The following CTNNA2 variants were observed in gnomAD, a reference collection of about 807,000 sequenced individuals.
CTNNA2 encodes catenin alpha 2, also known as catenin alpha-2.
CTNNA2 carries 42 observed loss-of-function variants against 101.0 expected under a neutral mutation model. The observed-to-expected ratio is 0.42, with a 90% CI of 0.32 to 0.54. The LOEUF (loss-of-function observed/expected upper bound fraction) is 0.54, where lower values mean the gene tolerates loss of function less well. Ranked by LOEUF, CTNNA2 falls within the 20% of genes least tolerant of loss-of-function variation. The pLI is 0.14. For missense variants in CTNNA2, 871 were observed against 1,223.1 expected (o/e 0.71, Z 4.29); for synonymous variants, 450 against 456.4 (o/e 0.99, Z 0.18).
At chr2:79,218,517 T>C (rs2104216168) in intron 2 of CTNNA2, among the ~76,000 whole-genome samples, 1 of 152,158 alleles carries the variant, frequency 6.6e-6, no homozygotes, top group South Asian at 2.1e-4. Context: ...GAAAAAAGAA[T>C]GTTTGTGAGT....
At chr2:80,409,861 T>C (rs1679409656) in intron 8 of CTNNA2, among the ~76,000 whole-genome samples, 1 of 151,844 alleles carries the variant, frequency 6.6e-6, no homozygotes, top group Non-Finnish European at 1.5e-5. Flanking sequence ...CCATTATTTC[T>C]CTTGAGATTA....
At chr2:79,829,421 A>ACACACACACACACAC (rs1558559860) in intron 3 of CTNNA2, among the ~76,000 whole-genome samples, 8 of 142,476 alleles carry the variant, frequency 5.6e-5, no homozygotes, top group Admixed American at 1.4e-4. Flanking sequence ...ACACAGACAC[A>ACACACACACACACAC]AAGCCGGGCG....
intron 4 of CTNNA2, among the ~76,000 whole-genome samples, chr2:79,488,332 A>AG (rs1346367393): frequency 1.5e-5 from 1 of 67,796 alleles, no homozygotes; most frequent in Admixed American, 1.2e-4. Flanking sequence ...AAAAAAAAAA[A>AG]AAAAAAAAAA....
At chr2:79,501,939 A>C (rs1047524810) in intron 4 of CTNNA2, among the ~76,000 whole-genome samples, 8 of 150,488 alleles carry the variant, frequency 5.3e-5, no homozygotes, top group African/African-American at 1.7e-4. Context: ...TAGCAGAAAT[A>C]GTCTCCCATA....
intron 3 of CTNNA2, among the ~76,000 whole-genome samples, chr2:79,749,283 G>C (rs1458421412): frequency 6.6e-6 from 1 of 152,092 alleles, no homozygotes; most frequent in Non-Finnish European, 1.5e-5. Context: ...GTCATTCTCG[G>C]AGTATGCGTA....
chr2:80,047,629 C>T (rs962519399), intron 7 of CTNNA2, among the ~76,000 whole-genome samples: 2 of 152,088 alleles, frequency 1.3e-5, no homozygotes, highest in Admixed American at 6.5e-5. Context: ...TTCATGAATG[C>T]AGAAAAATTG....
chr2:79,581,749 G>A lies in CTNNA2; in HGVS notation c.-6+68542G>A, dbSNP rs190797210. On this transcript the variant is annotated intron_variant, in intron 1 of 18. Transcript: ENST00000402739. ...ACAAAACTGAAAAGGAACGAGTGGC[G>A]TAATCACATTTATTATTATGACTAA... is the stretch of plus-strand genomic sequence containing the variant. Among the ~76,000 whole-genome samples the A allele has an allele frequency of 1.4e-4, 22 of 152,202 alleles. No homozygotes were observed. In the South Asian group the frequency reaches 3.9e-3, roughly 27 times the overall value.
intron 9 of CTNNA2, among the ~76,000 whole-genome samples, chr2:80,528,311 C>T (rs1239793734): frequency 5.9e-5 from 9 of 152,174 alleles, no homozygotes; most frequent in Admixed American, 4.6e-4. Context: ...ATTCTCCTGC[C>T]TCAGCCTCCT....
At chr2:80,542,428 C>A (rs140422907) in intron 9 of CTNNA2, among the ~76,000 whole-genome samples, 18 of 151,948 alleles carry the variant, frequency 1.2e-4, no homozygotes, top group South Asian at 6.2e-4. Flanking sequence ...AAATGGCTGA[C>A]CTTTTCTTTT....
intron 4 of CTNNA2, among the ~76,000 whole-genome samples, chr2:79,455,544 T>A (rs372742980): frequency 2.6e-5 from 4 of 152,120 alleles, no homozygotes; most frequent in East Asian, 1.9e-4. Flanking sequence ...CCCTCTCCAG[T>A]TTGTGGGTAC....
chr2:79,400,144 C>T, intron 4 of CTNNA2, among the ~76,000 whole-genome samples: 1 of 152,004 alleles, frequency 6.6e-6, no homozygotes, highest in East Asian at 1.9e-4. Flanking sequence ...AGATAAGAGA[C>T]AAATGGTTGC....
intron 9 of CTNNA2, among the ~76,000 whole-genome samples, chr2:80,531,414 G>C (rs779844118): frequency 1.3e-5 from 2 of 152,186 alleles, no homozygotes; most frequent in African/African-American, 2.4e-5. Flanking sequence ...ATCCAAGAAG[G>C]ATACGGCCAC....
intron 4 of CTNNA2, among the ~76,000 whole-genome samples, chr2:79,423,418 A>G (rs1274897319): frequency 1.3e-5 from 2 of 152,202 alleles, no homozygotes; most frequent in East Asian, 3.9e-4. Context: ...TCCTGATTTA[A>G]AAAAGTGAGA....
intron 7 of CTNNA2, among the ~76,000 whole-genome samples, chr2:79,967,783 G>A (rs1377042620): frequency 1.3e-5 from 2 of 152,142 alleles, no homozygotes; most frequent in Non-Finnish European, 2.9e-5. Flanking sequence ...ATTCATCACA[G>A]TGTTGTTCAC....
intron 7 of CTNNA2, among the ~76,000 whole-genome samples, chr2:80,152,427 C>T (rs1318400497): frequency 6.6e-6 from 1 of 151,830 alleles, no homozygotes; most frequent in Non-Finnish European, 1.5e-5. Context: ...TTTTTCAGAG[C>T]AGGGGTTGGT....
intron 1 of CTNNA2, among the ~76,000 whole-genome samples, chr2:79,186,892 T>TAC (rs1444664850): frequency 2.0e-5 from 3 of 152,218 alleles, no homozygotes; most frequent in Non-Finnish European, 2.9e-5. Context: ...AAAAGGAAGC[T>TAC]ACTTTATGGG....
rs145993590 is a variant in CTNNA2, at chr2:79,970,924, A to G, written c.1056+61127A>G. Among the ~76,000 whole-genome samples the G allele has an allele frequency of 3.4e-3, 521 of 152,270 alleles. 4 individuals carry two copies. Among genetic ancestry groups the G allele is most frequent in the African/African-American group, 0.01 (431 of 41,550 alleles). On this transcript the variant is annotated intron_variant, in intron 7 of 18. Transcript: ENST00000402739. ...GATTTGACAACATTATTTCTTTCCA[A>G]GATTAATGTGTCTGTGGAACTACTT... is the stretch of plus-strand genomic sequence containing the variant.
At chr2:79,465,992 A>G (rs1670930240) in intron 4 of CTNNA2, among the ~76,000 whole-genome samples, 1 of 152,162 alleles carries the variant, frequency 6.6e-6, no homozygotes, top group African/African-American at 2.4e-5. Flanking sequence ...TGCATTTCCA[A>G]CCAAGGTACT....
chr2:80,644,680 A>G (rs2149865797), intron 18 of CTNNA2, among the ~76,000 whole-genome samples: 1 of 152,282 alleles, frequency 6.6e-6, no homozygotes, highest in Middle Eastern at 3.4e-3. Flanking sequence ...TAAAAGTCAA[A>G]TTTTGTATTA....
Sources: allele counts gnomAD v4.1 joint callset (sites outside exome capture counted in the v4.1 genomes callset), GRCh38; gene constraint gnomAD v4.1.1; transcripts MANE v1.5; gene names NCBI Gene and HGNC (gene_info 2026-07-23, HGNC 2026-07-21).